The following PXT1 variants were observed in gnomAD, a reference collection of about 807,000 sequenced individuals.
PXT1 encodes peroxisomal testis-specific protein 1.
PXT1 carries 11 observed loss-of-function variants against 11.0 expected under a neutral mutation model. The ratio of observed to expected loss-of-function variants is 1.00; its 90% CI spans 0.63 to 1.66. PXT1 has a LOEUF of 1.66. Ranked by LOEUF, PXT1 falls within the 40% of genes most tolerant of loss-of-function variation. The probability of loss-of-function intolerance (pLI) is 0.00; values close to 1 mark genes in which losing one functional copy is unlikely to be tolerated. For synonymous variants in PXT1, 43 were observed against 51.4 expected (o/e 0.84, Z 0.70); for missense variants, 141 against 155.5 (o/e 0.91, Z 0.49).
At chr6:36,402,636 A>G (rs1457048631) in intron 3 of PXT1, among the ~76,000 whole-genome samples, 3 of 152,234 alleles carry the variant, frequency 2.0e-5, no homozygotes, top group Non-Finnish European at 2.9e-5. Context: ...GAGCCAGCTG[A>G]GAGAGTGCAA....
In PXT1 at chr6:36,400,490, G is replaced by A. The variant is rs757909206; in HGVS notation, c.264C>T (p.His88=). The A allele has an allele frequency of 1.9e-5, 30 of 1,613,872 alleles. No homozygotes were observed. The highest frequency in any genetic ancestry group is 2.5e-5 in the Non-Finnish European group (29 of 1,179,912). The change falls in exon 4 of 5, where the codon CAC becomes CAT. Residue 88 remains histidine (H), a synonymous_variant. Transcript: ENST00000454782. ...TCCTATGATCAATGTTGTCCCCAAT[G>A]TGTCTCAGCTGCATGGCCAACTTGT... ...IIHKLAMQLR[H]IGDNIDHRMV...
chr6:36,407,116 A>C (rs182335889), intron 3 of PXT1, among the ~76,000 whole-genome samples: 35 of 152,352 alleles, frequency 2.3e-4, no homozygotes, highest in African/African-American at 7.2e-4. Flanking sequence ...TGATACTAGT[A>C]GGTTGTGTTT....
At chr6:36,392,403 T>C (rs1774082278) in intron 4 of PXT1, among the ~76,000 whole-genome samples, 2 of 152,134 alleles carry the variant, frequency 1.3e-5, no homozygotes, top group African/African-American at 4.8e-5. Context: ...GCATGGTGGC[T>C]CCTGCCTGTA....
intron 3 of PXT1, among the ~76,000 whole-genome samples, chr6:36,404,760 C>G (rs1318048221): frequency 6.6e-6 from 1 of 151,948 alleles, no homozygotes; most frequent in African/African-American, 2.4e-5. Context: ...GAGTTTGAGA[C>G]CAGCCTTACC....
At chr6:36,392,844 C>G (rs1348199490) in intron 4 of PXT1, among the ~76,000 whole-genome samples, 2 of 152,180 alleles carry the variant, frequency 1.3e-5, no homozygotes, top group Admixed American at 6.5e-5. Context: ...GCACAGCCCC[C>G]TCTGTGGACT....
chr6:36,403,972 C>A (rs1774249508), intron 3 of PXT1, among the ~76,000 whole-genome samples: 1 of 152,158 alleles, frequency 6.6e-6, no homozygotes, highest in Non-Finnish European at 1.5e-5. Flanking sequence ...ATTTAAGAGT[C>A]ATTATTCCTT....
intron 3 of PXT1, among the ~76,000 whole-genome samples, chr6:36,413,435 A>G (rs950659274): frequency 2.0e-5 from 3 of 152,180 alleles, no homozygotes; most frequent in East Asian, 3.9e-4. Flanking sequence ...TAAGAAAGAA[A>G]GAAACTCCTA....
chr6:36,402,277 T>C (rs1774225235), intron 3 of PXT1, among the ~76,000 whole-genome samples: 1 of 152,208 alleles, frequency 6.6e-6, no homozygotes, highest in South Asian at 2.1e-4. Context: ...TTCAGTCACT[T>C]AGAAACCATG....
At chr6:36,406,885 T>C (rs1163075239) in intron 3 of PXT1, among the ~76,000 whole-genome samples, 1 of 151,814 alleles carries the variant, frequency 6.6e-6, no homozygotes, top group Admixed American at 6.6e-5. Flanking sequence ...CCCTCCAAGT[T>C]CAGTTCCTTT....
intron 4 of PXT1, 77 bp from the exon 5 acceptor site, chr6:36,391,951 T>G: frequency 1.1e-6 from 1 of 920,582 alleles, no homozygotes. Flanking sequence ...AAGTTAAAAA[T>G]TCAACACAAT....
rs576782381 is a variant in PXT1 at position 36,427,426 on chromosome 6, T to C, written c.-9-1335A>G. ...ATTCTAACTTCTAAATCTAAGTTAC[T>C]GGAAAGGGAAAGAATGGCTAAGACC... On this transcript the variant is annotated intron_variant, in intron 2 of 4. Transcript: ENST00000454782. Among the ~76,000 whole-genome samples the C allele has an allele frequency of 4.6e-5, 7 of 152,220 alleles. No individual in the cohort carries two copies. In the South Asian group the frequency reaches 8.3e-4, roughly 18 times the overall value.
At chr6:36,436,369 TA>T (rs1774764985) in intron 2 of PXT1, among the ~76,000 whole-genome samples, 1 of 152,176 alleles carries the variant, frequency 6.6e-6, no homozygotes. Flanking sequence ...AATAATCCAC[TA>T]GGACAGAAGC....
At chr6:36,394,377 T>C (rs1337232025) in intron 4 of PXT1, among the ~76,000 whole-genome samples, 1 of 152,218 alleles carries the variant, frequency 6.6e-6, no homozygotes, top group Non-Finnish European at 1.5e-5. Flanking sequence ...AATAAATGTT[T>C]GTTTCCCTCC....
rs1160093376 is a variant in PXT1 at position 36,442,742 on chromosome 6, C to T, written c.-337G>A. On this transcript the variant is annotated 5_prime_UTR_variant, in exon 1 of 5. Transcript: ENST00000454782. ...ATTAGCCGTCCTGGCGCTGCACGAG[C>T]GTATTCTACAATTCCGAAAACTACT... 6.6e-6 allele frequency: 1 copy of T among 152,216 alleles called. No individual in the cohort carries two copies. Among genetic ancestry groups the T allele is most frequent in the African/African-American group, 2.4e-5 (1 of 41,468 alleles). 9.4% of individuals were successfully genotyped at this position (152,216 alleles called of 1,614,324 possible). A position where few individuals can be genotyped will look rare whatever the true frequency, so the allele number is the denominator to read the frequency against.
At chr6:36,421,040 T>G (rs949512395) in intron 3 of PXT1, among the ~76,000 whole-genome samples, 3 of 142,244 alleles carry the variant, frequency 2.1e-5, no homozygotes, top group African/African-American at 7.9e-5. Flanking sequence ...GGGCGACAGA[T>G]AGAGACTCCG....
intron 3 of PXT1, among the ~76,000 whole-genome samples, chr6:36,406,160 A>G (rs913605925): frequency 6.6e-6 from 1 of 152,154 alleles, no homozygotes; most frequent in African/African-American, 2.4e-5. Context: ...CTTCCAGGAG[A>G]ATCTATCTTG....
At chr6:36,392,395 A>C (rs1049097401) in intron 4 of PXT1, among the ~76,000 whole-genome samples, 1 of 152,156 alleles carries the variant, frequency 6.6e-6, no homozygotes, top group Non-Finnish European at 1.5e-5. Flanking sequence ...AAGACTGGGC[A>C]TGGTGGCTCC....
chr6:36,410,665 T>C (rs1774360348), intron 3 of PXT1, among the ~76,000 whole-genome samples: 1 of 152,224 alleles, frequency 6.6e-6, no homozygotes, highest in Non-Finnish European at 1.5e-5. Flanking sequence ...TCTTCTTTAA[T>C]GGAAGAGGTC....
intron 3 of PXT1, among the ~76,000 whole-genome samples, chr6:36,412,397 C>T (rs1774387812): frequency 6.7e-6 from 1 of 149,308 alleles, no homozygotes; most frequent in East Asian, 2.1e-4. Flanking sequence ...CGCAGTGGCT[C>T]ATGCCTGTAA....
Sources: gnomAD v4.1 joint callset for allele counts (sites outside exome capture counted in the v4.1 genomes callset) on GRCh38, gnomAD v4.1.1 for gene constraint, MANE v1.5 for transcripts, NCBI Gene and HGNC (gene_info 2026-07-23, HGNC 2026-07-21) for gene names.